Variants in VPS41 observed in about 807,000 individuals in gnomAD.
VPS41 encodes the protein vacuolar protein sorting-associated protein 41 homolog.
In VPS41, 85 loss-of-function variants were observed where a neutral mutation model predicts 130.9. The observed-to-expected ratio is 0.65, with a 90% CI of 0.55 to 0.78. The LOEUF (loss-of-function observed/expected upper bound fraction) is 0.78. VPS41 is among the 30% of genes least tolerant of loss of function. VPS41 has a pLI of 0.00. For synonymous variants in VPS41, 335 were observed against 332.9 expected, an observed-to-expected ratio of 1.01 and a Z score of -0.07; for missense variants, 874 against 1,018.7, an observed-to-expected ratio of 0.86 and a Z score of 1.93.
At chr7:38,856,220 G>A (rs575852939) in intron 4 of VPS41, among the ~76,000 whole-genome samples, 2 of 152,222 alleles carry the variant, frequency 1.3e-5, no homozygotes, top group Non-Finnish European at 2.9e-5. Flanking sequence ...GTGCAGTGGT[G>A]CAATTATAAC....
At chr7:38,840,960 T>C (rs1785596846) in intron 4 of VPS41, among the ~76,000 whole-genome samples, 1 of 152,228 alleles carries the variant, frequency 6.6e-6, no homozygotes, top group Non-Finnish European at 1.5e-5. Context: ...TCAGGTGACC[T>C]AGCTCTCCTG....
chr7:38,829,676 T>C (rs1785349327), intron 5 of VPS41, among the ~76,000 whole-genome samples: 1 of 152,246 alleles, frequency 6.6e-6, no homozygotes, highest in Admixed American at 6.5e-5. Flanking sequence ...AGTTATACAC[T>C]GCACAAATGA....
At chr7:38,802,029 C>G (rs968640233) in intron 7 of VPS41, among the ~76,000 whole-genome samples, 2 of 152,184 alleles carry the variant, frequency 1.3e-5, no homozygotes, top group African/African-American at 4.8e-5. Flanking sequence ...AAAGGGCTCA[C>G]TTCTATGGAT....
intron 6 of VPS41, among the ~76,000 whole-genome samples, chr7:38,818,328 C>T (rs116421407): frequency 0.021 from 3,238 of 152,100 alleles, 46 homozygotes; most frequent in African/African-American, 0.043. Flanking sequence ...CAAGTGGCAA[C>T]GCAGCCTCCC....
intron 7 of VPS41, among the ~76,000 whole-genome samples, chr7:38,797,393 A>G (rs909422719): frequency 6.6e-6 from 1 of 152,226 alleles, no homozygotes; most frequent in African/African-American, 2.4e-5. Flanking sequence ...GCTTCTTTAG[A>G]AATTTCATAG....
chr7:38,888,310 A>C (rs1357207395), intron 2 of VPS41, among the ~76,000 whole-genome samples: 1 of 152,218 alleles, frequency 6.6e-6, no homozygotes, highest in Non-Finnish European at 1.5e-5. Context: ...ACATAGGCTC[A>C]AAATAAAGGG....
chr7:38,827,971 AT>A (rs1445415010), intron 5 of VPS41, among the ~76,000 whole-genome samples: 4 of 152,146 alleles, frequency 2.6e-5, no homozygotes, highest in Non-Finnish European at 4.4e-5. Flanking sequence ...AATTATTATT[AT>A]TAGTCCAAGT....
intron 10 of VPS41, among the ~76,000 whole-genome samples, chr7:38,778,470 C>T (rs931269754): frequency 2.0e-5 from 3 of 152,070 alleles, no homozygotes; most frequent in Non-Finnish European, 2.9e-5. Context: ...CAGTATGGGG[C>T]CACAAAGGAC....
At chr7:38,766,760 C>T (rs893294665) in intron 15 of VPS41, among the ~76,000 whole-genome samples, 3 of 152,186 alleles carry the variant, frequency 2.0e-5, no homozygotes, top group African/African-American at 7.2e-5. Context: ...GAGCTTCCCC[C>T]TTCATTGGGC....
intron 18 of VPS41, 82 bp from the exon 19 acceptor site, chr7:38,757,064 T>C: frequency 8.8e-7 from 1 of 1,137,736 alleles, no homozygotes; most frequent in Non-Finnish European, 1.3e-6. Flanking sequence ...TTCACAATAT[T>C]AAAAATGGAA....
At chr7:38,899,834 A>T (rs540404504) in intron 1 of VPS41, among the ~76,000 whole-genome samples, 1 of 152,330 alleles carries the variant, frequency 6.6e-6, no homozygotes, top group South Asian at 2.1e-4. Flanking sequence ...AAGACACTTG[A>T]GTACTCTTTC....
intron 3 of VPS41, 41 bp downstream of exon 3, chr7:38,869,105 G>A: frequency 6.9e-7 from 1 of 1,455,196 alleles, no homozygotes; most frequent in Non-Finnish European, 9.3e-7. Flanking sequence ...ATTTACAATG[G>A]AAACAATTTA....
chr7:38,864,149 C>T (rs1424217118), intron 3 of VPS41, among the ~76,000 whole-genome samples: 1 of 152,172 alleles, frequency 6.6e-6, no homozygotes, highest in Non-Finnish European at 1.5e-5. Context: ...CTCATAAATA[C>T]CGTATTTAGT....
chr7:38,732,275 T>A (rs971017762), intron 25 of VPS41, among the ~76,000 whole-genome samples: 7 of 152,216 alleles, frequency 4.6e-5, no homozygotes, highest in African/African-American at 1.7e-4. Context: ...GATCTTTTTA[T>A]GGAACTGATT....
intron 1 of VPS41, among the ~76,000 whole-genome samples, chr7:38,901,381 G>C (rs1298213889): frequency 1.3e-5 from 2 of 152,180 alleles, no homozygotes; most frequent in African/African-American, 4.8e-5. Flanking sequence ...TCTGCAGTCT[G>C]TACCAGAAGC....
At position 38,734,400 on chromosome 7, in the gene VPS41, C is replaced by T. The variant is rs566592696; in HGVS notation, c.2260-5609G>A. 4.6e-5 allele frequency among the ~76,000 whole-genome samples: 7 copies of T among 152,256 alleles called. No individual in the cohort carries two copies. In the South Asian group the frequency reaches 1.0e-3, roughly 23 times the overall value. The stretch of plus-strand genomic sequence containing the variant: ...AACGTGACCTTTACTCTTCCCTTTT[C>T]GTCATTTTGAAGTCAACCAGCTATG... On this transcript the variant is annotated intron_variant, in intron 25 of 28. Coordinates refer to ENST00000310301, the MANE Select transcript of VPS41 (RefSeq NM_014396.4).
intron 10 of VPS41, among the ~76,000 whole-genome samples, chr7:38,782,631 T>C (rs973296857): frequency 6.6e-6 from 1 of 152,196 alleles, no homozygotes; most frequent in African/African-American, 2.4e-5. Flanking sequence ...TTTTAATACA[T>C]CAACCTTACA....
chr7:38,871,979 A>G (rs1786374771), intron 2 of VPS41, among the ~76,000 whole-genome samples: 1 of 152,242 alleles, frequency 6.6e-6, no homozygotes, highest in African/African-American at 2.4e-5. Context: ...TACTGATTTA[A>G]AACAACAATA....
chr7:38,877,599 C>G (rs990061126), intron 2 of VPS41, among the ~76,000 whole-genome samples: 2 of 152,102 alleles, frequency 1.3e-5, no homozygotes, highest in Admixed American at 1.3e-4. Context: ...AAATGCCTCT[C>G]GAGCATTTCC....
Sources: allele counts gnomAD v4.1 joint callset (sites outside exome capture counted in the v4.1 genomes callset), GRCh38; gene constraint gnomAD v4.1.1; transcripts MANE v1.5; gene names NCBI Gene and HGNC (gene_info 2026-07-23, HGNC 2026-07-21).